Variants in FRY observed in about 807,000 individuals in gnomAD.
FRY encodes protein furry homolog.
In FRY, 128 loss-of-function variants were observed where a neutral mutation model predicts 348.4. The ratio of observed to expected loss-of-function variants is 0.37; its 90% CI spans 0.32 to 0.43. FRY has a LOEUF of 0.43. FRY is among the 20% of genes least tolerant of loss of function. The pLI is 1.00. For synonymous variants in FRY, 1,370 were observed against 1,374.7 expected, an observed-to-expected ratio of 1.00 and a Z score of 0.08; for missense variants, 2,736 against 3,695.2, an observed-to-expected ratio of 0.74 and a Z score of 6.73.
chr13:32,250,589 G>GC (rs1437868884), intron 49 of FRY, among the ~76,000 whole-genome samples: 1 of 152,184 alleles, frequency 6.6e-6, no homozygotes, highest in East Asian at 1.9e-4. Flanking sequence ...GACATCCTTA[G>GC]CAATTCTGAA....
rs541315562 is a variant in FRY at position 32,228,675 on chromosome 13, C to G, written c.5405+21C>G. Reference sequence around the variant, plus strand: ...ACCAGGTAATAAGGGGTTAGGAGTCCGCTGCTGTTTGCAGGTTGGTCTTTC... The same window carrying G: ...ACCAGGTAATAAGGGGTTAGGAGTCGGCTGCTGTTTGCAGGTTGGTCTTTC... On this transcript the variant is annotated intron_variant, in intron 40 of 60. Coordinates refer to ENST00000542859, the MANE Select transcript of FRY (RefSeq NM_023037.3). 2.5e-6 allele frequency: 4 copies of G among 1,607,220 alleles called. No homozygotes were observed. The South Asian group carries it at 4.4e-5, about 18-fold the overall frequency.
chr13:32,225,965 C>G lies in FRY; in HGVS notation c.5197C>G (p.Leu1733Val), dbSNP rs1885556827. Residue 1733 changes from leucine (L) to valine (V), a missense_variant, in exon 39 of 61, where the codon CTC (leucine) becomes GTC (valine). Physicochemically the swap from Leu to Val is conservative, Grantham distance 32. Transcript: ENST00000542859. ...TVQPAYQPEYLYTGGFDFLRE... is the reference protein window; with the variant it reads ...TVQPAYQPEYVYTGGFDFLRE... ...GCAGCCAGCCTACCAACCTGAATAT[C>G]TCTATACAGGTAACAGAGAAGGACT... is the stretch of plus-strand genomic sequence containing the variant. The G allele has an allele frequency of 3.1e-6, 5 of 1,612,584 alleles. No homozygotes were observed. The African/African-American group carries it at 4.0e-5, about 13-fold the overall frequency.
chr13:32,178,912 A>G lies in FRY; in HGVS notation c.2750A>G (p.Asn917Ser). ...SGDNYVTLWR[N>S]YLILCFGVAK... ...GACAACTATGTTACTTTGTGGAGAA[A>G]TTACCTAATTCTTTGTTTTGGAGTT... The change falls in exon 22 of 61, where the codon AAT (asparagine) becomes AGT (serine). Residue 917 changes from asparagine (N) to serine (S), a missense_variant. By Grantham distance (46) the Asn-to-Ser change is conservative. Coordinates refer to ENST00000542859, the MANE Select transcript of FRY (RefSeq NM_023037.3). The G allele has an allele frequency of 6.2e-7, 1 of 1,613,258 alleles. No individual in the cohort carries two copies. Among genetic ancestry groups the G allele is most frequent in the Non-Finnish European group, 8.5e-7 (1 of 1,179,216 alleles).
chr13:32,123,735 T>G (rs892901368), intron 4 of FRY, among the ~76,000 whole-genome samples: 10 of 152,224 alleles, frequency 6.6e-5, no homozygotes, highest in African/African-American at 2.4e-4. Context: ...CAAGTTAACA[T>G]CATTGAAAAT....
intron 1 of FRY, among the ~76,000 whole-genome samples, chr13:32,045,046 A>T (rs1872948895): frequency 6.6e-6 from 1 of 152,154 alleles, no homozygotes; most frequent in Non-Finnish European, 1.5e-5. Flanking sequence ...CTGGCCCCTA[A>T]GGCCAATTTT....
chr13:32,261,183 A>G (rs1180497478), intron 51 of FRY, among the ~76,000 whole-genome samples: 4 of 152,192 alleles, frequency 2.6e-5, no homozygotes, highest in Non-Finnish European at 1.5e-5. Flanking sequence ...AATGTGCTAC[A>G]AGCAGCATAG....
At chr13:32,126,110 A>G (rs1879001757) in intron 7 of FRY, among the ~76,000 whole-genome samples, 1 of 152,234 alleles carries the variant, frequency 6.6e-6, no homozygotes, top group Admixed American at 6.5e-5. Context: ...AAGCATTAGC[A>G]TTTTAAATGG....
chr13:32,192,837 G>A (rs1322152268), intron 28 of FRY, among the ~76,000 whole-genome samples: 2 of 148,210 alleles, frequency 1.3e-5, no homozygotes, highest in Non-Finnish European at 3.0e-5. Flanking sequence ...TCTGCCTCCC[G>A]GGTTCAAGTG....
chr13:32,058,002 C>T (rs968573185), intron 1 of FRY, among the ~76,000 whole-genome samples: 22 of 151,924 alleles, frequency 1.4e-4, no homozygotes, highest in African/African-American at 5.3e-4. Context: ...TGCCATCAGG[C>T]CACACAGAAG....
intron 1 of FRY, among the ~76,000 whole-genome samples, chr13:32,032,367 ACCTAGGACAT>A (rs374607928): frequency 8.8e-4 from 134 of 152,186 alleles, no homozygotes; most frequent in African/African-American, 2.9e-3. Context: ...ATAGTCCAAA[ACCTAGGACAT>A]CCTTTTTGTA....
intron 3 of FRY, among the ~76,000 whole-genome samples, chr13:32,106,066 A>C (rs537347758): frequency 2.2e-4 from 33 of 148,090 alleles, no homozygotes; most frequent in African/African-American, 7.1e-4. Context: ...TAATATAATA[A>C]TATTAAATAT....
intron 54 of FRY, among the ~76,000 whole-genome samples, chr13:32,266,498 TC>T (rs1245977615): frequency 6.6e-6 from 1 of 152,198 alleles, no homozygotes; most frequent in Non-Finnish European, 1.5e-5. Flanking sequence ...ATATAATTTT[TC>T]ATAATGAAAA....
chr13:32,189,368 A>G lies in FRY; in HGVS notation c.3591+1712A>G, dbSNP rs185844530. Among the ~76,000 whole-genome samples the G allele has an allele frequency of 5.3e-5, 8 of 152,222 alleles. No individual in the cohort carries two copies. In the East Asian group the frequency reaches 1.3e-3, roughly 26 times the overall value. The stretch of plus-strand genomic sequence containing the variant: ...AATCCATGCATAATTTTTTCATAAT[A>G]TACATTTTCCATGAGCTTTCTGAAG... On this transcript the variant is annotated intron_variant, in intron 28 of 60. Coordinates refer to ENST00000542859, the MANE Select transcript of FRY (RefSeq NM_023037.3).
chr13:32,052,561 A>G (rs1260854977), intron 1 of FRY, among the ~76,000 whole-genome samples: 2 of 152,230 alleles, frequency 1.3e-5, no homozygotes, highest in Non-Finnish European at 2.9e-5. Context: ...TGTAATCAGC[A>G]TAACTATTAA....
At chr13:32,077,886 C>T (rs182401932) in intron 1 of FRY, among the ~76,000 whole-genome samples, 16 of 152,304 alleles carry the variant, frequency 1.1e-4, no homozygotes, top group Non-Finnish European at 1.8e-4. Flanking sequence ...TTTAACTATA[C>T]GCTTCCTGTT....
chr13:32,156,601 CA>C (rs60522324), intron 15 of FRY, among the ~76,000 whole-genome samples: 2,335 of 112,316 alleles, frequency 0.021, 34 homozygotes, highest in African/African-American at 0.074. Flanking sequence ...AGCTCCATCT[CA>C]AAAAAAAAAA....
chr13:32,118,763 A>AT (rs992971599), intron 4 of FRY, among the ~76,000 whole-genome samples: 2 of 152,122 alleles, frequency 1.3e-5, no homozygotes, highest in African/African-American at 4.8e-5. Flanking sequence ...CCTCATGAAT[A>AT]TTTTTTTAAT....
At chr13:32,282,150 ACC>A (rs1447566366) in intron 58 of FRY, among the ~76,000 whole-genome samples, 1 of 152,190 alleles carries the variant, frequency 6.6e-6, no homozygotes, top group Non-Finnish European at 1.5e-5. Context: ...GACTAGAGCT[ACC>A]ATTTGGCCTC....
intron 48 of FRY, among the ~76,000 whole-genome samples, chr13:32,249,303 C>G (rs1000045945): frequency 2.5e-4 from 38 of 151,622 alleles, no homozygotes; most frequent in African/African-American, 9.0e-4. Flanking sequence ...AAAGAACAAG[C>G]AGTTGCATTT....
Sources: allele counts gnomAD v4.1 joint callset (sites outside exome capture counted in the v4.1 genomes callset), GRCh38; gene constraint gnomAD v4.1.1; transcripts MANE v1.5; gene names NCBI Gene and HGNC (gene_info 2026-07-23, HGNC 2026-07-21).